NTM: variants seen among roughly 807,000 people sequenced by gnomAD.
The protein encoded by NTM is IgLON family member 2.
In NTM, 13 loss-of-function variants were observed where a neutral mutation model predicts 42.1. The ratio of observed to expected loss-of-function variants is 0.31; its 90% CI spans 0.20 to 0.49. NTM has a LOEUF of 0.49. Among genes scored for constraint, NTM ranks in the 20% least tolerant of loss-of-function variants. NTM has a pLI of 0.99. For missense variants in NTM, 373 were observed against 452.8 expected, an observed-to-expected ratio of 0.82 and a Z score of 1.60; for synonymous variants, 187 against 179.2, an observed-to-expected ratio of 1.04 and a Z score of -0.35.
At chr11:131,793,494 C>T (rs1397365411) in intron 1 of NTM, among the ~76,000 whole-genome samples, 3 of 152,202 alleles carry the variant, frequency 2.0e-5, no homozygotes, top group Admixed American at 2.0e-4. Flanking sequence ...CAAGCATTAT[C>T]TCCATCTTAC....
At chr11:131,608,092 T>C (rs1180028263) in intron 1 of NTM, among the ~76,000 whole-genome samples, 1 of 152,172 alleles carries the variant, frequency 6.6e-6, no homozygotes, top group Non-Finnish European at 1.5e-5. Context: ...TTCCCCTTCC[T>C]GTGTCCATGT....
intron 2 of NTM, among the ~76,000 whole-genome samples, chr11:132,001,881 A>G (rs531108596): frequency 2.2e-4 from 34 of 152,246 alleles, no homozygotes; most frequent in African/African-American, 8.2e-4. Context: ...AGGACAAACA[A>G]TGATGGATGT....
chr11:132,038,371 CGGGTGTGATTGA>C lies in NTM; in HGVS notation c.168-107908_168-107897del, dbSNP rs140177633. Reference sequence around the variant, plus strand: ...GATGTTCTTAATGCAGAGAAGTTCACGGGTGTGATTGAGGACAGTTTGGTTCCTCGGCTTGCA... The same window carrying C: ...GATGTTCTTAATGCAGAGAAGTTCACGGACAGTTTGGTTCCTCGGCTTGCA... On this transcript the variant is annotated intron_variant, in intron 2 of 8. Transcript: ENST00000683400. 3.3e-4 allele frequency among the ~76,000 whole-genome samples: 50 copies of C among 152,272 alleles called. No individual in the cohort carries two copies. In the East Asian group the frequency reaches 7.7e-3, roughly 24 times the overall value.
intron 1 of NTM, among the ~76,000 whole-genome samples, chr11:131,563,104 G>A (rs1187587742): frequency 6.6e-6 from 1 of 152,112 alleles, no homozygotes; most frequent in Non-Finnish European, 1.5e-5. Flanking sequence ...TTCCACATCT[G>A]GAAAGCTGAG....
chr11:131,979,610 C>A (rs1288565509), intron 2 of NTM, among the ~76,000 whole-genome samples: 2 of 152,208 alleles, frequency 1.3e-5, no homozygotes, highest in Non-Finnish European at 2.9e-5. Flanking sequence ...GCCATTAATT[C>A]ATTGTCTGGT....
intron 1 of NTM, among the ~76,000 whole-genome samples, chr11:131,557,162 A>T (rs1307491767): frequency 6.6e-6 from 1 of 152,180 alleles, no homozygotes; most frequent in Non-Finnish European, 1.5e-5. Context: ...AGCCAATGGA[A>T]GAAGTTGGGC....
At chr11:131,511,974 G>A (rs1480516181) in intron 1 of NTM, among the ~76,000 whole-genome samples, 1 of 152,188 alleles carries the variant, frequency 6.6e-6, no homozygotes, top group East Asian at 1.9e-4. Context: ...TCCAGCCATA[G>A]TGAAGCCAGC....
At chr11:131,869,383 G>C (rs186225379) in intron 1 of NTM, among the ~76,000 whole-genome samples, 4 of 152,086 alleles carry the variant, frequency 2.6e-5, no homozygotes, top group East Asian at 1.9e-4. Flanking sequence ...TCTACCTTTC[G>C]TAGCTTGAAG....
chr11:131,634,510 C>A (rs1441712843), intron 1 of NTM, among the ~76,000 whole-genome samples: 1 of 152,092 alleles, frequency 6.6e-6, no homozygotes, highest in African/African-American at 2.4e-5. Flanking sequence ...AATGCACTGA[C>A]CAAAATATGT....
At chr11:132,198,401 A>G (rs537377608) in intron 3 of NTM, among the ~76,000 whole-genome samples, 4 of 152,180 alleles carry the variant, frequency 2.6e-5, no homozygotes, top group East Asian at 1.9e-4. Flanking sequence ...TGGTGTTGCT[A>G]TGTTACCCAG....
At chr11:131,971,813 G>A (rs540418923) in intron 2 of NTM, among the ~76,000 whole-genome samples, 2 of 152,050 alleles carry the variant, frequency 1.3e-5, no homozygotes, top group Admixed American at 1.3e-4. Flanking sequence ...TGAAGGCCGA[G>A]GCAGGTGGAT....
At chr11:131,775,289 T>G (rs541386410) in intron 1 of NTM, among the ~76,000 whole-genome samples, 1 of 152,356 alleles carries the variant, frequency 6.6e-6, no homozygotes, top group African/African-American at 2.4e-5. Flanking sequence ...TTTAGTTTAC[T>G]TATTAGTTCA....
chr11:131,979,218 A>G (rs935442163), intron 2 of NTM, among the ~76,000 whole-genome samples: 1 of 152,206 alleles, frequency 6.6e-6, no homozygotes, highest in African/African-American at 2.4e-5. Flanking sequence ...TTACCCAGTC[A>G]AACTCTAGTA....
chr11:131,971,272 G>A (rs11222852), intron 2 of NTM, among the ~76,000 whole-genome samples: 50,621 of 151,948 alleles, frequency 0.33, 8,472 homozygotes, highest in East Asian at 0.44. Context: ...GTTCACGGGT[G>A]TAAAATGACA....
chr11:132,323,268 T>C (rs902309814), intron 7 of NTM, among the ~76,000 whole-genome samples: 2 of 151,326 alleles, frequency 1.3e-5, no homozygotes, highest in South Asian at 2.1e-4. Flanking sequence ...ATCAACAAAA[T>C]TGATAGACCG....
chr11:131,924,451 C>T (rs922981737), intron 2 of NTM, among the ~76,000 whole-genome samples: 8 of 151,988 alleles, frequency 5.3e-5, no homozygotes, highest in African/African-American at 1.9e-4. Flanking sequence ...TTATTTTTCC[C>T]CTGAGCACAA....
chr11:131,774,538 CAG>C (rs1203566739), intron 1 of NTM, among the ~76,000 whole-genome samples: 1 of 152,130 alleles, frequency 6.6e-6, no homozygotes, highest in East Asian at 1.9e-4. Flanking sequence ...ATCTATTTGT[CAG>C]AGATTTATTG....
intron 1 of NTM, among the ~76,000 whole-genome samples, chr11:131,647,510 A>G (rs1382405843): frequency 3.3e-5 from 5 of 152,118 alleles, no homozygotes; most frequent in African/African-American, 1.2e-4. Flanking sequence ...GATGAGAAAA[A>G]CTTGGGGGTG....
At chr11:131,383,880 G>A (rs1942998541) in intron 1 of NTM, among the ~76,000 whole-genome samples, 1 of 152,102 alleles carries the variant, frequency 6.6e-6, no homozygotes, top group East Asian at 1.9e-4. Flanking sequence ...GCCTCCTAAG[G>A]GACGTTGCAA....
Sources: gnomAD v4.1 joint callset for allele counts (sites outside exome capture counted in the v4.1 genomes callset) on GRCh38, gnomAD v4.1.1 for gene constraint, MANE v1.5 for transcripts, NCBI Gene and HGNC (gene_info 2026-07-23, HGNC 2026-07-21) for gene names.